AKT3: variants seen among roughly 807,000 people sequenced by gnomAD.
AKT3 encodes AKT serine/threonine kinase 3.
Under a neutral mutation model 65.3 loss-of-function variants are expected in AKT3, and 15 were observed. The ratio of observed to expected loss-of-function variants is 0.23; its 90% CI spans 0.15 to 0.35. The LOEUF (loss-of-function observed/expected upper bound fraction) is 0.35, where lower values mean the gene tolerates loss of function less well. AKT3 is among the 10% of genes least tolerant of loss of function. The probability of loss-of-function intolerance (pLI) is 1.00; values close to 1 mark genes in which losing one functional copy is unlikely to be tolerated. For missense variants in AKT3, 243 were observed against 576.5 expected (o/e 0.42, Z 5.92); for synonymous variants, 206 against 183.8 (o/e 1.12, Z -0.98).
intron 2 of AKT3, among the ~76,000 whole-genome samples, chr1:243,781,783 C>A (rs1382670341): frequency 6.6e-6 from 1 of 151,916 alleles, no homozygotes; most frequent in African/African-American, 2.4e-5. Context: ...TTGATGAAAC[C>A]TGGAAAACTA....
At chr1:243,804,855 A>G (rs544645262) in intron 2 of AKT3, among the ~76,000 whole-genome samples, 1 of 152,036 alleles carries the variant, frequency 6.6e-6, no homozygotes, top group African/African-American at 2.4e-5. Context: ...TCAAAAAAAA[A>G]AAACAAACAA....
At chr1:243,594,175 GA>G (rs1676438650) in intron 8 of AKT3, among the ~76,000 whole-genome samples, 1 of 152,040 alleles carries the variant, frequency 6.6e-6, no homozygotes, top group Non-Finnish European at 1.5e-5. Flanking sequence ...TTGTAAATGG[GA>G]AAAAATTGGA....
intron 3 of AKT3, among the ~76,000 whole-genome samples, chr1:243,679,346 T>C (rs1375028542): frequency 6.6e-6 from 1 of 152,236 alleles, no homozygotes; most frequent in African/African-American, 2.4e-5. Flanking sequence ...TTTCACTTTC[T>C]AGTTTTATGT....
chr1:243,586,398 G>A (rs1214748613), intron 8 of AKT3, among the ~76,000 whole-genome samples: 1 of 152,134 alleles, frequency 6.6e-6, no homozygotes, highest in African/African-American at 2.4e-5. Context: ...TACTGAGTGT[G>A]TACCCAAAAG....
chr1:243,779,109 G>A (rs1271287102), intron 2 of AKT3, among the ~76,000 whole-genome samples: 1 of 151,906 alleles, frequency 6.6e-6, no homozygotes, highest in African/African-American at 2.4e-5. Flanking sequence ...ATGCAGATAT[G>A]AATAGAAAAA....
At chr1:243,792,559 C>T (rs1691695594) in intron 2 of AKT3, among the ~76,000 whole-genome samples, 1 of 152,158 alleles carries the variant, frequency 6.6e-6, no homozygotes, top group South Asian at 2.1e-4. Flanking sequence ...ATTAGCCTTA[C>T]AATCACTAAA....
intron 8 of AKT3, among the ~76,000 whole-genome samples, chr1:243,587,642 C>T (rs1675907804): frequency 6.6e-6 from 1 of 151,976 alleles, no homozygotes; most frequent in Admixed American, 6.6e-5. Flanking sequence ...TACATACATA[C>T]ATAAAAATAT....
At chr1:243,596,053 C>G (rs1354528141) in intron 8 of AKT3, among the ~76,000 whole-genome samples, 3 of 152,130 alleles carry the variant, frequency 2.0e-5, no homozygotes, top group Non-Finnish European at 2.9e-5. Flanking sequence ...ATTTACATCA[C>G]TAGGCAATAT....
intron 5 of AKT3, 40 bp downstream of exon 5, chr1:243,645,853 C>T (rs1558680136): frequency 6.5e-7 from 1 of 1,528,132 alleles, no homozygotes; most frequent in Non-Finnish European, 8.8e-7. Context: ...TTCTTCCAGA[C>T]AAATGAATGC....
At chr1:243,846,070 G>T (rs962405177) in intron 1 of AKT3, among the ~76,000 whole-genome samples, 1 of 152,106 alleles carries the variant, frequency 6.6e-6, no homozygotes, top group African/African-American at 2.4e-5. Flanking sequence ...TATATAGATG[G>T]CATCATAAGT....
At chr1:243,531,124 C>A (rs1378653759) in intron 12 of AKT3, among the ~76,000 whole-genome samples, 3 of 152,180 alleles carry the variant, frequency 2.0e-5, no homozygotes, top group Non-Finnish European at 4.4e-5. Context: ...AGGCCTCGTT[C>A]TGTCACCCAA....
chr1:243,517,375 TC>T (rs1323186876), intron 12 of AKT3, among the ~76,000 whole-genome samples: 5 of 152,252 alleles, frequency 3.3e-5, no homozygotes, highest in African/African-American at 1.2e-4. Context: ...CCAATTTCTC[TC>T]CAATTGCTGT....
intron 8 of AKT3, among the ~76,000 whole-genome samples, chr1:243,583,896 T>G (rs1675603931): frequency 6.6e-6 from 1 of 151,804 alleles, no homozygotes; most frequent in Non-Finnish European, 1.5e-5. Context: ...TACTCTAACA[T>G]CACATCTAGA....
rs978027490 is a variant in AKT3 at position 243,501,119 on chromosome 1, T to C, written c.*4130A>G. Reference sequence around the variant, plus strand: ...ACATACACATACATGCTTGACTCACTCTGGTCCCAAAAGCCATTCCTCTGT... The same window carrying C: ...ACATACACATACATGCTTGACTCACCCTGGTCCCAAAAGCCATTCCTCTGT... On this transcript the variant is annotated 3_prime_UTR_variant, in exon 14 of 14. Coordinates refer to ENST00000673466, the MANE Select transcript of AKT3 (RefSeq NM_005465.7). 1 of 231,284 alleles carries C rather than the reference T, an allele frequency of 4.3e-6. No individual in the cohort carries two copies. The highest frequency in any genetic ancestry group is 2.2e-5 in the African/African-American group (1 of 45,252). 14.3% of individuals were successfully genotyped at this position (231,284 alleles called of 1,614,324 possible).
intron 12 of AKT3, among the ~76,000 whole-genome samples, chr1:243,521,042 C>A (rs1428992605): frequency 6.6e-6 from 1 of 152,132 alleles, no homozygotes; most frequent in African/African-American, 2.4e-5. Flanking sequence ...ATTCCACAGA[C>A]CTTTTTTAGT....
At chr1:243,640,109 T>A (rs1680261225) in intron 5 of AKT3, among the ~76,000 whole-genome samples, 1 of 152,152 alleles carries the variant, frequency 6.6e-6, no homozygotes, top group Admixed American at 6.5e-5. Flanking sequence ...CAATAATATC[T>A]CTAGTTCAAA....
intron 6 of AKT3, among the ~76,000 whole-genome samples, chr1:243,626,736 G>A (rs1558664024): frequency 6.6e-6 from 1 of 152,194 alleles, no homozygotes; most frequent in Admixed American, 6.5e-5. Context: ...TAGAAAGACA[G>A]GATATGAGGA....
intron 2 of AKT3, among the ~76,000 whole-genome samples, chr1:243,737,683 T>C (rs1687923244): frequency 6.6e-6 from 1 of 152,142 alleles, no homozygotes; most frequent in Non-Finnish European, 1.5e-5. Flanking sequence ...AGCTTTCCTC[T>C]TGAGCCAAAA....
intron 6 of AKT3, among the ~76,000 whole-genome samples, chr1:243,636,929 T>C (rs1045538105): frequency 6.6e-6 from 1 of 152,082 alleles, no homozygotes; most frequent in African/African-American, 2.4e-5. Context: ...GAGGAAACTA[T>C]AGTAGCAAAT....
Sources: gnomAD v4.1 joint callset for allele counts (sites outside exome capture counted in the v4.1 genomes callset) on GRCh38, gnomAD v4.1.1 for gene constraint, MANE v1.5 for transcripts, NCBI Gene and HGNC (gene_info 2026-07-23, HGNC 2026-07-21) for gene names.